DNMBP: variants seen among roughly 807,000 people sequenced by gnomAD.
DNMBP encodes dynamin binding protein.
In DNMBP, 87 loss-of-function variants were observed where a neutral mutation model predicts 150.0. That is an observed-to-expected ratio of 0.58 (90% CI 0.49 to 0.69). The LOEUF is 0.69. DNMBP is among the 30% of genes least tolerant of loss of function. The probability of loss-of-function intolerance (pLI) is 0.00; values close to 1 mark genes in which losing one functional copy is unlikely to be tolerated. For missense variants in DNMBP, 1,774 were observed against 1,949.0 expected, an observed-to-expected ratio of 0.91 and a Z score of 1.69; for synonymous variants, 711 against 750.4, an observed-to-expected ratio of 0.95 and a Z score of 0.86.
chr10:99,955,122 G>T (rs2040469389), intron 4 of DNMBP, 92 bp downstream of exon 4: 1 of 1,057,746 alleles, frequency 9.5e-7, no homozygotes, highest in Non-Finnish European at 1.4e-6. Flanking sequence ...GTCCATCGAG[G>T]ATGGTAACAT....
rs2040485729 is a variant in DNMBP at position 99,955,918 on chromosome 10, T to C, written c.1556A>G (p.Glu519Gly). The C allele has an allele frequency of 6.2e-7, 1 of 1,613,962 alleles. No individual in the cohort carries two copies. The highest frequency in any genetic ancestry group is 1.7e-5 in the Admixed American group (1 of 60,000). Residue 519 changes from glutamate to glycine, a missense_variant, in exon 4 of 17, where the codon GAG becomes GGG. Glu to Gly is a moderately conservative substitution (Grantham distance 98). Coordinates refer to ENST00000324109, the MANE Select transcript of DNMBP (RefSeq NM_015221.4). ...HHTSSVYSIS[E>G]RLEMKPGPQA... ...CGGACCAGGCTTCATCTCCAATCTC[T>C]CTGAGATGGAGTAAACACTGGACGT...
chr10:99,930,522 C>T (rs976788075), intron 4 of DNMBP: 5 of 702,898 alleles, frequency 7.1e-6, no homozygotes, highest in East Asian at 2.7e-5. Context: ...TGCTTCCCCA[C>T]AGTCCATATA....
chr10:99,983,171 C>T (rs2040796589), intron 1 of DNMBP, among the ~76,000 whole-genome samples: 2 of 152,134 alleles, frequency 1.3e-5, no homozygotes, highest in Non-Finnish European at 2.9e-5. Flanking sequence ...CCATGAGCAT[C>T]CTTATGTTTT....
intron 4 of DNMBP, among the ~76,000 whole-genome samples, chr10:99,938,741 T>A (rs1346510361): frequency 6.6e-6 from 1 of 152,192 alleles, no homozygotes; most frequent in African/African-American, 2.4e-5. Flanking sequence ...TGTGAATGGG[T>A]TGCCATTTTT....
chr10:99,971,945 C>A, intron 2 of DNMBP, 35 bp downstream of exon 2: 1 of 1,587,956 alleles, frequency 6.3e-7, no homozygotes, highest in South Asian at 1.1e-5. Flanking sequence ...GGAAAGAAGT[C>A]AGGGCCTGTG....
At chr10:99,965,029 GAC>G (rs1376353097) in intron 3 of DNMBP, among the ~76,000 whole-genome samples, 2 of 152,068 alleles carry the variant, frequency 1.3e-5, no homozygotes, top group Admixed American at 6.6e-5. Flanking sequence ...TCTGAGAACA[GAC>G]ACACAAAACT....
chr10:99,956,281 G>C lies in DNMBP; in HGVS notation c.1193C>G (p.Thr398Arg). The C allele has an allele frequency of 6.2e-7, 1 of 1,613,818 alleles. No homozygotes were observed. The highest frequency in any genetic ancestry group is 8.5e-7 in the Non-Finnish European group (1 of 1,179,970). Residue 398 changes from threonine to arginine, a missense_variant, in exon 4 of 17, where the codon ACA becomes AGA. Coordinates refer to ENST00000324109, the MANE Select transcript of DNMBP (RefSeq NM_015221.4). ...PGVEWEMPLA[T>R]DSPTSDPTEV... ...TGTAGGGTCAGATGTGGGAGAGTCTGTGGCAAGAGGCATTTCCCACTCCAC... is the reference window on the plus strand; with the variant it reads ...TGTAGGGTCAGATGTGGGAGAGTCTCTGGCAAGAGGCATTTCCCACTCCAC...
chr10:99,989,566 C>A (rs2040864828), intron 1 of DNMBP, among the ~76,000 whole-genome samples: 1 of 152,156 alleles, frequency 6.6e-6, no homozygotes, highest in Admixed American at 6.5e-5. Flanking sequence ...CAAAAATTAG[C>A]CAGGTGTGGT....
intron 9 of DNMBP, among the ~76,000 whole-genome samples, chr10:99,897,378 AAAGAC>A (rs1202933916): frequency 1.3e-5 from 2 of 152,140 alleles, no homozygotes; most frequent in African/African-American, 2.4e-5. Context: ...GGGTTTTCTA[AAAGAC>A]AAGAAGTCCT....
chr10:99,964,920 G>A (rs1431587076), intron 3 of DNMBP, among the ~76,000 whole-genome samples: 2 of 150,150 alleles, frequency 1.3e-5, no homozygotes, highest in African/African-American at 4.9e-5. Context: ...ACTCAAAACA[G>A]TAGGAATAGT....
intron 3 of DNMBP, among the ~76,000 whole-genome samples, chr10:99,964,837 C>T (rs1037112624): frequency 2.7e-5 from 4 of 150,218 alleles, no homozygotes; most frequent in Non-Finnish European, 5.9e-5. Flanking sequence ...CGCCACTGCA[C>T]TCCCGCCTGG....
At chr10:99,960,757 G>C (rs1428070454) in intron 3 of DNMBP, among the ~76,000 whole-genome samples, 1 of 152,090 alleles carries the variant, frequency 6.6e-6, no homozygotes, top group Non-Finnish European at 1.5e-5. Context: ...AGTGAGCTGA[G>C]GCTGCACCAT....
Position 99,876,893 on chromosome 10 carries a change from A to C in DNMBP, c.*258T>G, listed in dbSNP as rs2039282866. 1 of 381,776 alleles carries C rather than the reference A, an allele frequency of 2.6e-6. No individual in the cohort carries two copies. Among genetic ancestry groups the C allele is most frequent in the Admixed American group, 4.7e-5 (1 of 21,496 alleles). The allele number at this position is 381,776 out of a possible 1,614,324, so 23.6% of individuals were successfully genotyped here. On this transcript the variant is annotated 3_prime_UTR_variant, in exon 17 of 17. Coordinates refer to ENST00000324109, the MANE Select transcript of DNMBP (RefSeq NM_015221.4). ...TTCTCCTTTCCAAAAGCCAGCTCTA[A>C]GACTTGTCTCTCTTCTCATAGTCAC...
chr10:99,952,709 C>T (rs189864606), intron 4 of DNMBP, among the ~76,000 whole-genome samples: 2 of 152,260 alleles, frequency 1.3e-5, no homozygotes, highest in Admixed American at 1.3e-4. Flanking sequence ...TAGAGGTTTC[C>T]CTCTCTTTCT....
At chr10:99,964,653 T>C (rs2040600704) in intron 3 of DNMBP, among the ~76,000 whole-genome samples, 1 of 151,628 alleles carries the variant, frequency 6.6e-6, no homozygotes, top group Non-Finnish European at 1.5e-5. Flanking sequence ...GGCGGATTGC[T>C]TGAAGTCAGG....
chr10:99,912,003 C>G (rs191127647), intron 4 of DNMBP, among the ~76,000 whole-genome samples: 23 of 152,252 alleles, frequency 1.5e-4, no homozygotes, highest in African/African-American at 4.6e-4. Flanking sequence ...TTACTGAATT[C>G]CTATCACATG....
In DNMBP at chr10:99,970,971, C is replaced by CAAAAAAAAAAAA. The variant is rs532226561; in HGVS notation, c.145+997_145+1008dup. Among the ~76,000 whole-genome samples, 64 of 33,192 alleles carry CAAAAAAAAAAAA rather than the reference C, an allele frequency of 1.9e-3. 11 individuals carry two copies. Among genetic ancestry groups the CAAAAAAAAAAAA allele is most frequent in the Non-Finnish European group, 2.7e-3 (48 of 18,062 alleles). 21.8% of individuals were successfully genotyped at this position (33,192 alleles called of 152,430 possible). A position where few individuals can be genotyped will look rare whatever the true frequency, so the allele number is the denominator to read the frequency against. ...TGGGCAACAGAGCAAGACTCCGTCT[C>CAAAAAAAAAAAA]AAAAAAAAAAAAAAAAAAAAAAAAA... On this transcript the variant is annotated intron_variant, in intron 2 of 16. Coordinates refer to ENST00000324109, the MANE Select transcript of DNMBP (RefSeq NM_015221.4).
At chr10:99,936,506 TTC>T (rs1293534970) in intron 4 of DNMBP, among the ~76,000 whole-genome samples, 1 of 143,044 alleles carries the variant, frequency 7.0e-6, no homozygotes, top group African/African-American at 2.7e-5. Context: ...TACTGAAGAT[TTC>T]TTTTTTCTTT....
At chr10:99,987,233 T>C (rs1386785047) in intron 1 of DNMBP, among the ~76,000 whole-genome samples, 1 of 150,150 alleles carries the variant, frequency 6.7e-6, no homozygotes, top group Non-Finnish European at 1.5e-5. Context: ...CCAGGCAGGG[T>C]GGCTCATGCT....
Sources: gnomAD v4.1 joint callset for allele counts (sites outside exome capture counted in the v4.1 genomes callset) on GRCh38, gnomAD v4.1.1 for gene constraint, MANE v1.5 for transcripts, NCBI Gene and HGNC (gene_info 2026-07-23, HGNC 2026-07-21) for gene names.